YTHDC2: variants seen among roughly 807,000 people sequenced by gnomAD.
YTHDC2 encodes 3'-5' RNA helicase YTHDC2.
In YTHDC2, 45 loss-of-function variants were observed where a neutral mutation model predicts 174.9. The ratio of observed to expected loss-of-function variants is 0.26; its 90% CI spans 0.20 to 0.33. The LOEUF (loss-of-function observed/expected upper bound fraction) is 0.33, where lower values mean the gene tolerates loss of function less well. YTHDC2 is among the 10% of genes least tolerant of loss of function. The probability of loss-of-function intolerance (pLI) is 1.00; values close to 1 mark genes in which losing one functional copy is unlikely to be tolerated. For synonymous variants in YTHDC2, 657 were observed against 574.5 expected (o/e 1.14, Z -2.05); for missense variants, 1,650 against 1,723.7 (o/e 0.96, Z 0.76).
chr5:113,533,547 CAAAA>C lies in YTHDC2; in HGVS notation c.842+514_842+517del, dbSNP rs571400800. On this transcript the variant is annotated intron_variant, in intron 5 of 29. Transcript: ENST00000161863. ...CTGGGCAACAAGAGCGAAACCGTCTCAAAAAAAAAAAAAAATTCCGTTTCCTAGT... is the reference window on the plus strand; with the variant it reads ...CTGGGCAACAAGAGCGAAACCGTCTCAAAAAAAAAAATTCCGTTTCCTAGT... Among the ~76,000 whole-genome samples, 129 of 120,474 alleles carry C rather than the reference CAAAA, an allele frequency of 1.1e-3. No homozygotes were observed. In the Middle Eastern group the frequency reaches 0.014, roughly 13 times the overall value. The allele number at this position is 120,474 out of a possible 152,430, so 79.0% of individuals were successfully genotyped here. A position where few individuals can be genotyped will look rare whatever the true frequency, so the allele number is the denominator to read the frequency against.
At position 113,582,957 on chromosome 5, in the gene YTHDC2, A is replaced by G. The variant is rs528997494; in HGVS notation, c.3647+1248A>G. The G allele has an allele frequency of 1.4e-4, 21 of 152,234 alleles. No homozygotes were observed. In the South Asian group the frequency reaches 4.3e-3, roughly 32 times the overall value. 9.4% of individuals were successfully genotyped at this position (152,234 alleles called of 1,614,324 possible). On this transcript the variant is annotated intron_variant, in intron 25 of 29. Transcript: ENST00000161863. The stretch of plus-strand genomic sequence containing the variant: ...AGAAGTAATTTTTTTACTTAGATAC[A>G]CCGTACTTTTTGAAAATATTGTTCT...
At position 113,563,850 on chromosome 5, in the gene YTHDC2, T is replaced by C. The variant is rs1023420536; in HGVS notation, c.2443-9T>C. On this transcript the variant is annotated splice_polypyrimidine_tract_variant and intron_variant, in intron 19 of 29. Transcript: ENST00000161863. ...CACATCAAAGTCTGTTCTGTCTCCT[T>C]TTACTTAGACAATAGATGCAATGGA... is the stretch of plus-strand genomic sequence containing the variant. 20 of 1,613,928 alleles carry C rather than the reference T, an allele frequency of 1.2e-5. No individual in the cohort carries two copies. Among genetic ancestry groups the C allele is most frequent in the African/African-American group, 6.7e-5 (5 of 74,946 alleles).
At chr5:113,589,408 A>ATATATATATAT (rs1554103528) in intron 26 of YTHDC2, among the ~76,000 whole-genome samples, 6 of 123,260 alleles carry the variant, frequency 4.9e-5, no homozygotes, top group Non-Finnish European at 9.7e-5. Context: ...AAAAAAAAAA[A>ATATATATATAT]ATATATATAT....
At position 113,513,990 on chromosome 5, in the gene YTHDC2, G is replaced by C. The variant is rs1773212066; in HGVS notation, c.95G>C (p.Arg32Pro). The part of the protein sequence containing the change: ...PSPCGPGGGG[R>P]AKGLKDIRID... Reference sequence around the variant, plus strand: ...CCTTGTGGCCCTGGGGGCGGCGGCCGGGCCAAGGGGCTGAAGGACATTCGC... The same window carrying C: ...CCTTGTGGCCCTGGGGGCGGCGGCCCGGCCAAGGGGCTGAAGGACATTCGC... The change falls in exon 1 of 30, where the codon CGG (arginine) becomes CCG (proline). Residue 32 changes from arginine to proline, a missense_variant. Coordinates refer to ENST00000161863, the MANE Select transcript of YTHDC2 (RefSeq NM_022828.5). 2 of 1,604,544 alleles carry C rather than the reference G, an allele frequency of 1.2e-6. No individual in the cohort carries two copies. Among genetic ancestry groups the C allele is most frequent in the African/African-American group, 1.3e-5 (1 of 74,642 alleles).
intron 16 of YTHDC2, among the ~76,000 whole-genome samples, chr5:113,554,294 A>T (rs2112676714): frequency 1.3e-5 from 2 of 152,244 alleles, no homozygotes; most frequent in South Asian, 4.1e-4. Flanking sequence ...GTATACAAAA[A>T]TGTAGCTCTG....
At chr5:113,531,646 A>T (rs1327646709) in intron 4 of YTHDC2, among the ~76,000 whole-genome samples, 1 of 151,852 alleles carries the variant, frequency 6.6e-6, no homozygotes, top group Non-Finnish European at 1.5e-5. Flanking sequence ...TAATTTTACA[A>T]TTTCTCTCAT....
In YTHDC2 at chr5:113,594,733, TTTAG is replaced by T. The variant is rs1471588122; in HGVS notation, c.*1263_*1266del. 4 of 152,220 alleles carry T rather than the reference TTTAG, an allele frequency of 2.6e-5. No individual in the cohort carries two copies. In the East Asian group the frequency reaches 7.7e-4, roughly 29 times the overall value. The allele number at this position is 152,220 out of a possible 1,614,324, so 9.4% of individuals were successfully genotyped here. On this transcript the variant is annotated 3_prime_UTR_variant, in exon 30 of 30. Transcript: ENST00000161863. ...TTTGATGGCACTTCTCATGATACAT[TTTAG>T]TTATTCTTATAAAAGCAAACAGGCA... is the stretch of plus-strand genomic sequence containing the variant.
At chr5:113,521,643 A>G (rs13184597) in intron 2 of YTHDC2, among the ~76,000 whole-genome samples, 1 of 151,734 alleles carries the variant, frequency 6.6e-6, no homozygotes, top group Non-Finnish European at 1.5e-5. Flanking sequence ...AGACAGGAGA[A>G]CTGCTTGAAC....
At chr5:113,514,661 G>T (rs1044445172) in intron 1 of YTHDC2, among the ~76,000 whole-genome samples, 8 of 152,004 alleles carry the variant, frequency 5.3e-5, no homozygotes, top group Admixed American at 6.6e-5. Flanking sequence ...GGGCTCATTC[G>T]GACCTGCTGG....
intron 23 of YTHDC2, among the ~76,000 whole-genome samples, chr5:113,577,224 C>G (rs1422730349): frequency 6.6e-6 from 1 of 152,046 alleles, no homozygotes; most frequent in African/African-American, 2.4e-5. Flanking sequence ...ATTCTAATAT[C>G]TGGTAGTAGA....
intron 2 of YTHDC2, among the ~76,000 whole-genome samples, chr5:113,520,798 T>C (rs1268851161): frequency 6.6e-6 from 1 of 152,220 alleles, no homozygotes; most frequent in Non-Finnish European, 1.5e-5. Context: ...CAGAGGTACA[T>C]GTGCAGGTTT....
chr5:113,567,579 T>C, intron 22 of YTHDC2, 75 bp from the exon 23 acceptor site: 1 of 1,278,130 alleles, frequency 7.8e-7, no homozygotes, highest in Non-Finnish European at 1.1e-6. Flanking sequence ...TGAGAGACTT[T>C]ACATTTTAAA....
At chr5:113,576,676 C>A (rs887558082) in intron 23 of YTHDC2, among the ~76,000 whole-genome samples, 1 of 152,022 alleles carries the variant, frequency 6.6e-6, no homozygotes, top group African/African-American at 2.4e-5. Context: ...CCATGCATTT[C>A]TTTATATTGC....
rs373583905 is a variant in YTHDC2, at chr5:113,567,124, C to G, written c.2875C>G (p.Arg959Gly). ...FVRARGGGDI[R>G]DVNTNSENWA... ...TAGAGCACGAGGTGGTGGTGACATT[C>G]GGGACGTTAACACAAACTCTGAGAA... The change falls in exon 22 of 30, where the codon CGG becomes GGG. Residue 959 changes from arginine (R) to glycine (G), a missense_variant. Around this residue, in one of 5 missense-constraint regions of YTHDC2, gnomAD observed 913 missense variants for 940.4 expected, o/e 0.97. Coordinates refer to ENST00000161863, the MANE Select transcript of YTHDC2 (RefSeq NM_022828.5). 1 of 1,613,436 alleles carries G rather than the reference C, an allele frequency of 6.2e-7. No individual in the cohort carries two copies. The highest frequency in any genetic ancestry group is 1.3e-5 in the African/African-American group (1 of 74,824).
At chr5:113,555,195 A>T (rs2112680233) in intron 16 of YTHDC2, among the ~76,000 whole-genome samples, 1 of 152,186 alleles carries the variant, frequency 6.6e-6, no homozygotes, top group South Asian at 2.1e-4. Flanking sequence ...AAGTTCCTTT[A>T]GGTGTTACTT....
At position 113,593,816 on chromosome 5, in the gene YTHDC2, G is replaced by A. The variant is rs192633809; in HGVS notation, c.*342G>A. 17 of 154,142 alleles carry A rather than the reference G, an allele frequency of 1.1e-4. No homozygotes were observed. Among genetic ancestry groups the A allele is most frequent in the African/African-American group, 3.8e-4 (16 of 41,576 alleles). 9.5% of individuals were successfully genotyped at this position (154,142 alleles called of 1,614,324 possible). ...TTGATGACTTTTTAATGCAGAGTAA[G>A]TTGTTTAAGAAAGGCCTGAATATAT... On this transcript the variant is annotated 3_prime_UTR_variant, in exon 30 of 30. Coordinates refer to ENST00000161863, the MANE Select transcript of YTHDC2 (RefSeq NM_022828.5).
chr5:113,515,698 G>A (rs1283235101), intron 2 of YTHDC2, among the ~76,000 whole-genome samples: 1 of 152,148 alleles, frequency 6.6e-6, no homozygotes, highest in Non-Finnish European at 1.5e-5. Context: ...CATGCATCAT[G>A]CATACATAGG....
At chr5:113,591,268 A>T (rs1196277875) in intron 27 of YTHDC2, 24 bp downstream of exon 27, 2 of 1,612,050 alleles carry the variant, frequency 1.2e-6, no homozygotes. Flanking sequence ...AATCAGTAAA[A>T]TGGGGTTGTT....
At chr5:113,579,803 GAAT>G (rs1469855521) in intron 24 of YTHDC2, 108 bp downstream of exon 24, 2 of 1,313,996 alleles carry the variant, frequency 1.5e-6, no homozygotes, top group Non-Finnish European at 1.9e-6. Flanking sequence ...TAGTATCAGA[GAAT>G]ATAACTTGTT....
Sources: allele counts gnomAD v4.1 joint callset (sites outside exome capture counted in the v4.1 genomes callset), GRCh38; gene constraint gnomAD v4.1.1; regional missense constraint gnomAD v4.1.1; transcripts MANE v1.5; gene names NCBI Gene and HGNC (gene_info 2026-07-23, HGNC 2026-07-21).